TMEM237: variants seen among roughly 807,000 people sequenced by gnomAD.
TMEM237 encodes amyotrophic lateral sclerosis 2 (juvenile) chromosome region, candidate 4.
Under a neutral mutation model 59.1 loss-of-function variants are expected in TMEM237, and 51 were observed. The ratio of observed to expected loss-of-function variants is 0.86; its 90% CI spans 0.69 to 1.09. TMEM237 has a LOEUF of 1.09. Among genes scored for constraint, TMEM237 ranks in the 50% least tolerant of loss-of-function variants. The probability of loss-of-function intolerance (pLI) is 0.00; values close to 1 mark genes in which losing one functional copy is unlikely to be tolerated. For synonymous variants in TMEM237, 140 were observed against 166.1 expected, an observed-to-expected ratio of 0.84 and a Z score of 1.21; for missense variants, 475 against 478.3, an observed-to-expected ratio of 0.99 and a Z score of 0.06.
At position 201,636,734 on chromosome 2, in the gene TMEM237, G is replaced by T. The variant is rs1397298811; in HGVS notation, c.274+14C>A. The T allele has an allele frequency of 1.9e-6, 3 of 1,561,776 alleles. No individual in the cohort carries two copies. Among genetic ancestry groups the T allele is most frequent in the Non-Finnish European group, 1.7e-6 (2 of 1,153,024 alleles). ...CAAGTGCTATCACAACTTAACCTTGGTTTCTTCACATACCAAGAGGTAGCC... is the reference window on the plus strand; with the variant it reads ...CAAGTGCTATCACAACTTAACCTTGTTTTCTTCACATACCAAGAGGTAGCC... On this transcript the variant is annotated intron_variant, in intron 5 of 12. Transcript: ENST00000409883.
At chr2:201,634,392 G>A (rs532882163) in intron 5 of TMEM237, 1 of 152,336 alleles carries the variant, frequency 6.6e-6, no homozygotes, top group East Asian at 1.9e-4. Flanking sequence ...CCTACCATTG[G>A]TCATCCTGAA....
In TMEM237 at chr2:201,620,966, A is replaced by G. The variant is rs900022106; in HGVS notation, c.*3289T>C. 6.6e-6 allele frequency: 1 copy of G among 152,108 alleles called. No homozygotes were observed. Among genetic ancestry groups the G allele is most frequent in the Non-Finnish European group, 1.5e-5 (1 of 68,018 alleles). The allele number at this position is 152,108 out of a possible 1,614,324, so 9.4% of individuals were successfully genotyped here. ...TGTGCTCCTCAGAGTACATGGCCCA[A>G]TATCCCAAGGCCCTTAACACATTTG... On this transcript the variant is annotated 3_prime_UTR_variant, in exon 13 of 13. Coordinates refer to ENST00000409883, the MANE Select transcript of TMEM237 (RefSeq NM_001044385.3).
At position 201,626,008 on chromosome 2, in the gene TMEM237, A is replaced by G. The variant is rs1559584256; in HGVS notation, c.1159+18T>C. 1 of 1,556,830 alleles carries G rather than the reference A, an allele frequency of 6.4e-7. No homozygotes were observed. Among genetic ancestry groups the G allele is most frequent in the Non-Finnish European group, 8.7e-7 (1 of 1,149,788 alleles). On this transcript the variant is annotated intron_variant, in intron 12 of 12. Coordinates refer to ENST00000409883, the MANE Select transcript of TMEM237 (RefSeq NM_001044385.3). ...GAAGATTTCAGGATATTCTTATGCT[A>G]TTTTTTTTCTTTAATACCTTCACTA...
In TMEM237 at chr2:201,621,767, G is replaced by A. The variant is rs1256637038; in HGVS notation, c.*2488C>T. On this transcript the variant is annotated 3_prime_UTR_variant, in exon 13 of 13. Coordinates refer to ENST00000409883, the MANE Select transcript of TMEM237 (RefSeq NM_001044385.3). ...AAAGTATTTTAAGTCAGTGAGTAAT[G>A]AGAAACCATGATGCCCTACCAATTG... 3.3e-5 allele frequency: 5 copies of A among 152,608 alleles called. No homozygotes were observed. The highest frequency in any genetic ancestry group is 2.1e-4 in the South Asian group (1 of 4,820). The allele number at this position is 152,608 out of a possible 1,614,324, so 9.5% of individuals were successfully genotyped here.
At chr2:201,640,594 AT>A (rs1463405147) in intron 2 of TMEM237, among the ~76,000 whole-genome samples, 1 of 152,104 alleles carries the variant, frequency 6.6e-6, no homozygotes, top group East Asian at 1.9e-4. Flanking sequence ...TGAGGAAACT[AT>A]TCTCACAAAA....
intron 7 of TMEM237, among the ~76,000 whole-genome samples, chr2:201,630,692 A>C (rs1385711796): frequency 6.6e-6 from 1 of 152,206 alleles, no homozygotes; most frequent in Admixed American, 6.5e-5. Context: ...AATGAGGATT[A>C]AGTGATACTG....
At chr2:201,629,135 A>G (rs1957785410) in intron 9 of TMEM237, 95 bp downstream of exon 9, 2 of 1,017,164 alleles carry the variant, frequency 2.0e-6, no homozygotes, top group South Asian at 5.7e-5. Context: ...TTGATACTCT[A>G]TAATTCTATT....
chr2:201,632,122 TC>T lies in TMEM237; in HGVS notation c.481del (p.Glu161AsnfsTer16). The T allele has an allele frequency of 6.2e-7, 1 of 1,613,884 alleles. No homozygotes were observed. Among genetic ancestry groups the T allele is most frequent in the Non-Finnish European group, 8.5e-7 (1 of 1,179,782 alleles). The part of the protein sequence containing the change: ...DIITDEQTTV[E>X]QQSVFTAPTG... ...GGGTGCAGTGAATACAGACTGCTGT[TC>T]CACAGTAGTTTGCTCATCAGTGATT... On this transcript the variant is annotated frameshift_variant, in exon 7 of 13. Coordinates refer to ENST00000409883, the MANE Select transcript of TMEM237 (RefSeq NM_001044385.3). LOFTEE classifies it high-confidence loss of function.
Position 201,636,599 on chromosome 2 carries a change from G to A in TMEM237, c.274+149C>T, listed in dbSNP as rs1321093187. On this transcript the variant is annotated intron_variant, in intron 5 of 12. Coordinates refer to ENST00000409883, the MANE Select transcript of TMEM237 (RefSeq NM_001044385.3). ...AGTATTCTTGGCTTAAGCCATTGGA[G>A]TTATTCTAGTGGTAAATATTTTAAA... 6 of 847,472 alleles carry A rather than the reference G, an allele frequency of 7.1e-6. No individual in the cohort carries two copies. The East Asian group carries it at 1.3e-4, about 19-fold the overall frequency. 52.5% of individuals were successfully genotyped at this position (847,472 alleles called of 1,614,324 possible).
intron 5 of TMEM237, chr2:201,636,459 C>T (rs1687298410): frequency 7.1e-6 from 2 of 281,358 alleles, no homozygotes; most frequent in South Asian, 6.2e-5. Context: ...CTGAAATGTC[C>T]ATTTCATCAT....
chr2:201,627,439 C>T, intron 10 of TMEM237, 25 bp from the exon 11 acceptor site: 1 of 1,455,576 alleles, frequency 6.9e-7, no homozygotes, highest in East Asian at 2.4e-5. Flanking sequence ...AATGAAATTA[C>T]TAATAATTTT....
intron 7 of TMEM237, chr2:201,631,345 C>T (rs1013168156): frequency 1.3e-5 from 2 of 152,150 alleles, no homozygotes; most frequent in Non-Finnish European, 2.9e-5. Context: ...AATAAATGTC[C>T]GTGGTTTAAG....
intron 9 of TMEM237, 104 bp downstream of exon 9, chr2:201,629,126 T>A: frequency 1.1e-6 from 1 of 907,988 alleles, no homozygotes; most frequent in Middle Eastern, 2.5e-4. Flanking sequence ...GAAGTAACAT[T>A]GATACTCTAT....
Position 201,632,137 on chromosome 2 carries a change from T to G in TMEM237, c.467A>C (p.Glu156Ala). The G allele has an allele frequency of 6.8e-6, 11 of 1,613,990 alleles. No individual in the cohort carries two copies. The highest frequency in any genetic ancestry group is 8.5e-6 in the Non-Finnish European group (10 of 1,179,860). Residue 156 changes from glutamate to alanine, a missense_variant, in exon 7 of 13, where the codon GAG (glutamate) becomes GCG (alanine). Coordinates refer to ENST00000409883, the MANE Select transcript of TMEM237 (RefSeq NM_001044385.3). ...GVEDEDIITD[E>A]QTTVEQQSVF... ...AGACTGCTGTTCCACAGTAGTTTGC[T>G]CATCAGTGATTATGTCTTCATCTTC...
chr2:201,627,782 G>A (rs773296778), intron 10 of TMEM237, among the ~76,000 whole-genome samples: 13 of 152,182 alleles, frequency 8.5e-5, no homozygotes, highest in Non-Finnish European at 1.3e-4. Context: ...GTTATTAAAA[G>A]GCCATACCCG....
intron 1 of TMEM237, 102 bp from the exon 2 acceptor site, chr2:201,641,026 G>A: frequency 2.0e-6 from 2 of 1,021,348 alleles, no homozygotes; most frequent in East Asian, 2.7e-5. Flanking sequence ...GTGTATTGCT[G>A]TGTGGCCCAG....
chr2:201,636,817 T>C lies in TMEM237; in HGVS notation c.205A>G (p.Thr69Ala), dbSNP rs376226585. The change falls in exon 5 of 13, where the codon ACT (threonine) becomes GCT (alanine). Residue 69 changes from threonine (T) to alanine (A), a missense_variant. Thr to Ala is a moderately conservative substitution (Grantham distance 58). Coordinates refer to ENST00000409883, the MANE Select transcript of TMEM237 (RefSeq NM_001044385.3). ...RRPSEGNEPS[T>A]KELKEHPEAP... is the part of the protein sequence containing the mutation. ...TCTGGGTGCTCTTTGAGTTCTTTAGTTGATGGCTCATTGCCCTCAGAGGGC... is the reference window on the plus strand; with the variant it reads ...TCTGGGTGCTCTTTGAGTTCTTTAGCTGATGGCTCATTGCCCTCAGAGGGC... The C allele has an allele frequency of 1.3e-5, 21 of 1,602,822 alleles. No homozygotes were observed. Among genetic ancestry groups the C allele is most frequent in the Middle Eastern group, 1.7e-4 (1 of 6,022 alleles).
intron 6 of TMEM237, among the ~76,000 whole-genome samples, chr2:201,632,476 A>C (rs1283388281): frequency 6.6e-6 from 1 of 152,208 alleles, no homozygotes; most frequent in Non-Finnish European, 1.5e-5. Flanking sequence ...TTCTGTATAG[A>C]TACTGATAAG....
At position 201,628,732 on chromosome 2, in the gene TMEM237, A is replaced by C. The variant is rs200348674; in HGVS notation, c.869+498T>G. 2.0e-5 allele frequency among the ~76,000 whole-genome samples: 3 copies of C among 152,332 alleles called. No homozygotes were observed. In the East Asian group the frequency reaches 5.8e-4, roughly 29 times the overall value. ...GATGCATCTACAGCCAAGGAATGCCAAGGACTGTCAGCAACCACTGAAGTG... is the reference window on the plus strand; with the variant it reads ...GATGCATCTACAGCCAAGGAATGCCCAGGACTGTCAGCAACCACTGAAGTG... On this transcript the variant is annotated intron_variant, in intron 9 of 12. Coordinates refer to ENST00000409883, the MANE Select transcript of TMEM237 (RefSeq NM_001044385.3).
Sources: allele counts gnomAD v4.1 joint callset (sites outside exome capture counted in the v4.1 genomes callset), GRCh38; gene constraint gnomAD v4.1.1; transcripts MANE v1.5; gene names NCBI Gene and HGNC (gene_info 2026-07-23, HGNC 2026-07-21).